The following PLCL1 variants were observed in gnomAD, a reference collection of about 807,000 sequenced individuals.
PLCL1 encodes phospholipase C like 1 (inactive), also known as inactive phospholipase C-like protein 1.
A neutral mutation model predicts 84.4 loss-of-function variants in PLCL1; 41 were observed. The observed-to-expected ratio is 0.49, with a 90% CI of 0.38 to 0.63. PLCL1 has a LOEUF of 0.63. Among genes scored for constraint, PLCL1 ranks in the 30% least tolerant of loss-of-function variants. The pLI is 0.00. For missense variants in PLCL1, 1,206 were observed against 1,367.8 expected, an observed-to-expected ratio of 0.88 and a Z score of 1.87; for synonymous variants, 490 against 488.3, an observed-to-expected ratio of 1.00 and a Z score of -0.05.
chr2:197,868,306 A>G (rs1316209109), intron 1 of PLCL1, among the ~76,000 whole-genome samples: 2 of 152,184 alleles, frequency 1.3e-5, no homozygotes, highest in Non-Finnish European at 2.9e-5. Context: ...AGTGTCTTTC[A>G]TATCAGATGT....
At chr2:197,923,939 C>A (rs1408021976) in intron 1 of PLCL1, among the ~76,000 whole-genome samples, 14 of 151,748 alleles carry the variant, frequency 9.2e-5, no homozygotes, top group Admixed American at 3.3e-4. Context: ...GCGGATCACT[C>A]GCGGTTAGGG....
rs748000196 is a variant in PLCL1 at position 198,085,550 on chromosome 2, T to A, written c.2033T>A (p.Met678Lys). 1.9e-6 allele frequency: 3 copies of A among 1,614,124 alleles called. No individual in the cohort carries two copies. Among genetic ancestry groups the A allele is most frequent in the Non-Finnish European group, 2.5e-6 (3 of 1,179,970 alleles). Residue 678 changes from methionine (M) to lysine (K), a missense_variant, in exon 2 of 6, where the codon ATG becomes AAG. Transcript: ENST00000428675. The surrounding 1 kb of genome is among the most constrained non-coding windows in gnomAD (Gnocchi z 5.3). ...AMNFQTPGPM[M>K]DLHTGWFLQN... ...AATTTTCAGACTCCGGGTCCAATGA[T>A]GGACCTTCACACGGGCTGGTTTCTT...
chr2:197,888,753 T>G (rs182482419), intron 1 of PLCL1, among the ~76,000 whole-genome samples: 77 of 152,304 alleles, frequency 5.1e-4, no homozygotes, highest in African/African-American at 1.8e-3. Context: ...CAAAACTAAT[T>G]TTTATATTTC....
At chr2:197,850,822 T>C (rs1687221971) in intron 1 of PLCL1, among the ~76,000 whole-genome samples, 1 of 152,276 alleles carries the variant, frequency 6.6e-6, no homozygotes, top group African/African-American at 2.4e-5. Flanking sequence ...CTTATCTGAC[T>C]AAAAGCAGCA....
intron 1 of PLCL1, among the ~76,000 whole-genome samples, chr2:197,986,115 C>T (rs1441992795): frequency 6.6e-6 from 1 of 152,150 alleles, no homozygotes; most frequent in African/African-American, 2.4e-5. Context: ...GGAAATTGTT[C>T]CAAGCATTCA....
intron 5 of PLCL1, among the ~76,000 whole-genome samples, chr2:198,118,861 G>A (rs1009978490): frequency 1.3e-5 from 2 of 151,934 alleles, no homozygotes; most frequent in Non-Finnish European, 2.9e-5. Flanking sequence ...ATGAAGTTTT[G>A]AGTGCCTTTA....
chr2:198,143,448 T>C (rs1303026231), intron 5 of PLCL1, among the ~76,000 whole-genome samples: 1 of 152,138 alleles, frequency 6.6e-6, no homozygotes, highest in Non-Finnish European at 1.5e-5. Context: ...ACACCTGCTG[T>C]ACCTAATATA....
At chr2:197,995,046 A>G (rs1690429232) in intron 1 of PLCL1, among the ~76,000 whole-genome samples, 1 of 152,164 alleles carries the variant, frequency 6.6e-6, no homozygotes, top group Non-Finnish European at 1.5e-5. Context: ...GGAATTCTGC[A>G]GTCTTAACAT....
intron 1 of PLCL1, among the ~76,000 whole-genome samples, chr2:197,838,849 T>C (rs1220457285): frequency 1.3e-5 from 2 of 152,198 alleles, no homozygotes; most frequent in Non-Finnish European, 1.5e-5. Flanking sequence ...AGTGGTTCAG[T>C]TGTAATTTTC....
Position 197,897,098 on chromosome 2 carries a change from CCTTCTTCTTCTTCTTCTTCTTCTT to C in PLCL1, c.240+91828_240+91851del, listed in dbSNP as rs1156287674. Among the ~76,000 whole-genome samples the C allele has an allele frequency of 1.3e-3, 155 of 117,860 alleles. 2 individuals carry two copies. The highest frequency in any genetic ancestry group is 1.5e-3 in the Non-Finnish European group (83 of 54,450). 77.3% of individuals were successfully genotyped at this position (117,860 alleles called of 152,430 possible). ...TACCTTTGGGGATAGAAGTATGACT[CCTTCTTCTTCTTCTTCTTCTTCTT>C]CTTCTTCTTCTTCTTCTTCTTCTTC... On this transcript the variant is annotated intron_variant, in intron 1 of 5. Transcript: ENST00000428675.
intron 1 of PLCL1, among the ~76,000 whole-genome samples, chr2:197,850,546 A>C (rs939274988): frequency 1.3e-5 from 2 of 152,180 alleles, no homozygotes; most frequent in Non-Finnish European, 2.9e-5. Flanking sequence ...AAAAATTAGG[A>C]GGGTTCAGTA....
chr2:197,863,624 G>GTC (rs1687473950), intron 1 of PLCL1, among the ~76,000 whole-genome samples: 1 of 152,090 alleles, frequency 6.6e-6, no homozygotes, highest in Non-Finnish European at 1.5e-5. Context: ...TATACAAGAA[G>GTC]ATATCATAAA....
intron 1 of PLCL1, among the ~76,000 whole-genome samples, chr2:197,955,015 G>A (rs868234462): frequency 2.6e-5 from 4 of 151,896 alleles, no homozygotes; most frequent in East Asian, 1.9e-4. Context: ...TTTTCTAGGC[G>A]GTGTATATAC....
chr2:198,029,958 C>G (rs575187564), intron 1 of PLCL1, among the ~76,000 whole-genome samples: 1 of 151,982 alleles, frequency 6.6e-6, no homozygotes, highest in African/African-American at 2.4e-5. Flanking sequence ...CCTCAGCCTC[C>G]CAAAGTGCTG....
chr2:198,044,539 T>C (rs1244317903), intron 1 of PLCL1, among the ~76,000 whole-genome samples: 3 of 152,214 alleles, frequency 2.0e-5, no homozygotes, highest in Non-Finnish European at 4.4e-5. Context: ...AATTTTAATG[T>C]ATATGTTATA....
chr2:197,846,082 T>C (rs1559023142), intron 1 of PLCL1, among the ~76,000 whole-genome samples: 1 of 151,996 alleles, frequency 6.6e-6, no homozygotes, highest in Non-Finnish European at 1.5e-5. Flanking sequence ...TAAAATACAA[T>C]ATGAGGAAAA....
chr2:197,969,459 T>C (rs1689816813), intron 1 of PLCL1, among the ~76,000 whole-genome samples: 1 of 152,186 alleles, frequency 6.6e-6, no homozygotes, highest in African/African-American at 2.4e-5. Flanking sequence ...TGCTTCTCCA[T>C]TGGTGCCAGC....
chr2:198,102,106 C>T (rs981150921), intron 4 of PLCL1, among the ~76,000 whole-genome samples: 2 of 152,028 alleles, frequency 1.3e-5, no homozygotes, highest in East Asian at 1.9e-4. Flanking sequence ...CATATCAACA[C>T]GCGGTGGAGC....
intron 1 of PLCL1, among the ~76,000 whole-genome samples, chr2:198,054,791 T>C (rs55638318): frequency 0.045 from 6,892 of 152,262 alleles, 507 homozygotes; most frequent in African/African-American, 0.16. Flanking sequence ...TTGATTTCCC[T>C]GTGGGTTAAG....
Sources: gnomAD v4.1 joint callset for allele counts (sites outside exome capture counted in the v4.1 genomes callset) on GRCh38, gnomAD v4.1.1 for gene constraint, Gnocchi (gnomAD v3.1) non-coding constraint, MANE v1.5 for transcripts, NCBI Gene and HGNC (gene_info 2026-07-23, HGNC 2026-07-21) for gene names.